Variants in ARL5A observed in about 807,000 individuals in gnomAD.
The protein encoded by ARL5A is ARF like GTPase 5A.
In ARL5A, 18 loss-of-function variants were observed where a neutral mutation model predicts 25.9. The observed-to-expected ratio is 0.69, with a 90% CI of 0.48 to 1.03. ARL5A has a LOEUF of 1.03. Ranked by LOEUF, ARL5A falls within the 50% of genes least tolerant of loss-of-function variation. The pLI is 0.00. For synonymous variants in ARL5A, 61 were observed against 67.5 expected (o/e 0.90, Z 0.47); for missense variants, 170 against 211.9 (o/e 0.80, Z 1.23).
intron 3 of ARL5A, 47 bp downstream of exon 3, chr2:151,814,122 T>C: frequency 6.7e-7 from 1 of 1,487,476 alleles, no homozygotes; most frequent in Non-Finnish European, 9.0e-7. Context: ...CTAGATGTTT[T>C]CCAAGCATTC....
chr2:151,815,039 T>G, intron 2 of ARL5A, 100 bp downstream of exon 2: 1 of 877,126 alleles, frequency 1.1e-6, no homozygotes, highest in Non-Finnish European at 1.8e-6. Flanking sequence ...CAGGGTAACT[T>G]AGGTTTCATG....
At chr2:151,819,776 C>T (rs1464299858) in intron 1 of ARL5A, among the ~76,000 whole-genome samples, 1 of 151,550 alleles carries the variant, frequency 6.6e-6, no homozygotes, top group Non-Finnish European at 1.5e-5. Flanking sequence ...GACTCTTAGG[C>T]CAGGCATGGT....
chr2:151,811,748 T>C (rs989381453), intron 4 of ARL5A, among the ~76,000 whole-genome samples: 1 of 152,026 alleles, frequency 6.6e-6, no homozygotes, highest in Non-Finnish European at 1.5e-5. Context: ...ATTTTGTTTA[T>C]TTTTCGTAGA....
At chr2:151,811,784 C>G (rs2099830878) in intron 4 of ARL5A, among the ~76,000 whole-genome samples, 1 of 151,994 alleles carries the variant, frequency 6.6e-6, no homozygotes, top group Non-Finnish European at 1.5e-5. Context: ...TGTTGCTCAG[C>G]TGGTCTTGAA....
chr2:151,818,575 T>G (rs1238773949), intron 1 of ARL5A, among the ~76,000 whole-genome samples: 2 of 152,206 alleles, frequency 1.3e-5, no homozygotes, highest in East Asian at 3.9e-4. Flanking sequence ...CTGTACCTGG[T>G]CTGAATTCAT....
intron 4 of ARL5A, among the ~76,000 whole-genome samples, chr2:151,807,380 C>A (rs908926730): frequency 6.6e-6 from 1 of 152,174 alleles, no homozygotes; most frequent in Admixed American, 6.5e-5. Context: ...GCAACCTATC[C>A]TACTGCTCTC....
At chr2:151,805,387 T>A (rs2099829956) in intron 5 of ARL5A, among the ~76,000 whole-genome samples, 1 of 152,200 alleles carries the variant, frequency 6.6e-6, no homozygotes. Flanking sequence ...CTAATTCATC[T>A]ATACCCCATG....
At chr2:151,803,591 G>A (rs1480449306) in intron 5 of ARL5A, among the ~76,000 whole-genome samples, 4 of 152,110 alleles carry the variant, frequency 2.6e-5, no homozygotes, top group East Asian at 1.9e-4. Flanking sequence ...AATGGCAGCC[G>A]TGACCTCCTG....
At position 151,809,976 on chromosome 2, in the gene ARL5A, T is replaced by C. The variant is rs1461483479; in HGVS notation, c.339+2381A>G. 2.0e-5 allele frequency among the ~76,000 whole-genome samples: 3 copies of C among 151,946 alleles called. 1 individual carries two copies. The highest frequency in any genetic ancestry group is 2.1e-4 in the South Asian group (1 of 4,818). Reference sequence around the variant, plus strand: ...TGGGCGCCTGTAATCTCAGCTACTCTGGAGGCTGAGGCAGGAGAATTGCTT... The same window carrying C: ...TGGGCGCCTGTAATCTCAGCTACTCCGGAGGCTGAGGCAGGAGAATTGCTT... On this transcript the variant is annotated intron_variant, in intron 4 of 5. Transcript: ENST00000295087.
At chr2:151,812,107 G>C (rs1315759519) in intron 4 of ARL5A, among the ~76,000 whole-genome samples, 1 of 152,028 alleles carries the variant, frequency 6.6e-6, no homozygotes, top group African/African-American at 2.4e-5. Flanking sequence ...CTTTTGCCCA[G>C]GAAAATTGTG....
At chr2:151,814,135 T>C (rs770378737) in intron 3 of ARL5A, 34 bp downstream of exon 3, 1 of 1,518,730 alleles carries the variant, frequency 6.6e-7, no homozygotes, top group East Asian at 2.4e-5. Flanking sequence ...AAGCATTCTG[T>C]TTATAGAATT....
chr2:151,828,136 T>C lies in ARL5A; in HGVS notation c.41A>G (p.His14Arg). The C allele has an allele frequency of 6.2e-7, 1 of 1,610,086 alleles. No homozygotes were observed. The highest frequency in any genetic ancestry group is 8.5e-7 in the Non-Finnish European group (1 of 1,178,152). Reference protein sequence around the residue: ...LFTRIWRLFNHQEHKVIIVGL... With the variant: ...LFTRIWRLFNRQEHKVIIVGL... ...CCGCGGACCGAGCTCCTCACCCTGG[T>C]GATTGAACAGTCTCCATATTCTAGT... Residue 14 changes from histidine (H) to arginine (R), a missense_variant, in exon 1 of 6, where the codon CAC becomes CGC. Physicochemically the swap from His to Arg is conservative, Grantham distance 29 (BLOSUM62 0). Transcript: ENST00000295087.
rs562197736 is a variant in ARL5A at position 151,803,342 on chromosome 2, T to G, written c.492-18A>C. ...GGCACAATCTATAAAGAAAACAAAATCATTTGATTAAATTCTGAACTAAGA... is the reference window on the plus strand; with the variant it reads ...GGCACAATCTATAAAGAAAACAAAAGCATTTGATTAAATTCTGAACTAAGA... On this transcript the variant is annotated intron_variant, in intron 5 of 5. Coordinates refer to ENST00000295087, the MANE Select transcript of ARL5A (RefSeq NM_012097.4). 6.2e-7 allele frequency: 1 copy of G among 1,602,946 alleles called. No homozygotes were observed. Among genetic ancestry groups the G allele is most frequent in the African/African-American group, 1.3e-5 (1 of 74,786 alleles).
In ARL5A at chr2:151,825,140, A is replaced by T. The variant is rs142709406; in HGVS notation, c.46+2991T>A. On this transcript the variant is annotated intron_variant, in intron 1 of 5. Coordinates refer to ENST00000295087, the MANE Select transcript of ARL5A (RefSeq NM_012097.4). ...TTGTTCCCTTATCCCACCATGTAGA[A>T]CACTTCCTGGACTAAATAGGTGTTA... is the stretch of plus-strand genomic sequence containing the variant. Among the ~76,000 whole-genome samples the T allele has an allele frequency of 2.2e-3, 329 of 152,332 alleles. 2 individuals are homozygous for T. Among genetic ancestry groups the T allele is most frequent in the African/African-American group, 7.4e-3 (307 of 41,570 alleles).
Position 151,828,190 on chromosome 2 carries a change from A to ACCC in ARL5A, c.-17_-15dup, listed in dbSNP as rs60330979. 122 of 1,459,490 alleles carry ACCC rather than the reference A, an allele frequency of 8.4e-5. No individual in the cohort carries two copies. The highest frequency in any genetic ancestry group is 7.6e-4 in the Admixed American group (42 of 55,156). The allele number at this position is 1,459,490 out of a possible 1,614,324, so 90.4% of individuals were successfully genotyped here. On this transcript the variant is annotated 5_prime_UTR_variant, in exon 1 of 6. Coordinates refer to ENST00000295087, the MANE Select transcript of ARL5A (RefSeq NM_012097.4). ...GAGAATTCCCATTCTCGGGCAGCGGACCCCCCCCCTCCAGACACCCGGGCC... is the reference window on the plus strand; with the variant it reads ...GAGAATTCCCATTCTCGGGCAGCGGACCCCCCCCCCCCTCCAGACACCCGGGCC...
intron 1 of ARL5A, among the ~76,000 whole-genome samples, chr2:151,822,564 C>T (rs2099832488): frequency 6.6e-6 from 1 of 152,112 alleles, no homozygotes; most frequent in Non-Finnish European, 1.5e-5. Flanking sequence ...AATTTGTAGC[C>T]AAAAAGTGCT....
At chr2:151,826,334 G>C (rs924958889) in intron 1 of ARL5A, among the ~76,000 whole-genome samples, 1 of 151,902 alleles carries the variant, frequency 6.6e-6, no homozygotes, top group African/African-American at 2.4e-5. Context: ...TAAATGTCCC[G>C]TCAAAAATTA....
chr2:151,812,284 T>G (rs1437789651), intron 4 of ARL5A, 73 bp downstream of exon 4: 10 of 1,102,444 alleles, frequency 9.1e-6, no homozygotes, highest in Admixed American at 7.5e-5. Flanking sequence ...AGCACCCTCA[T>G]GAGAAACTAG....
rs576668357 is a variant in ARL5A, at chr2:151,828,198, C to CA, written c.-23_-22insT. The CA allele has an allele frequency of 1.2e-4, 195 of 1,600,426 alleles. No individual in the cohort carries two copies. The highest frequency in any genetic ancestry group is 5.5e-4 in the East Asian group (24 of 43,706). ...CCATTCTCGGGCAGCGGACCCCCCC[C>CA]CTCCAGACACCCGGGCCGCCTGGCT... On this transcript the variant is annotated 5_prime_UTR_variant, in exon 1 of 6. Transcript: ENST00000295087.
Sources: allele counts gnomAD v4.1 joint callset (sites outside exome capture counted in the v4.1 genomes callset), GRCh38; gene constraint gnomAD v4.1.1; transcripts MANE v1.5; gene names NCBI Gene and HGNC (gene_info 2026-07-23, HGNC 2026-07-21).